The following TP53BP2 variants were observed in gnomAD, a reference collection of about 807,000 sequenced individuals.
TP53BP2 encodes apoptosis-stimulating of p53 protein 2.
A neutral mutation model predicts 126.2 loss-of-function variants in TP53BP2; 62 were observed. The observed-to-expected ratio is 0.49, with a 90% CI of 0.40 to 0.61. The LOEUF (loss-of-function observed/expected upper bound fraction) is 0.61. Ranked by LOEUF, TP53BP2 falls within the 20% of genes least tolerant of loss-of-function variation. The pLI is 0.00. For synonymous variants in TP53BP2, 485 were observed against 502.9 expected (o/e 0.96, Z 0.48); for missense variants, 1,215 against 1,402.8 (o/e 0.87, Z 2.14).
At chr1:223,781,224 C>G (rs1037585939) in intron 17 of TP53BP2, among the ~76,000 whole-genome samples, 1 of 152,192 alleles carries the variant, frequency 6.6e-6, no homozygotes, top group Non-Finnish European at 1.5e-5. Flanking sequence ...TCGGCTCTAA[C>G]AAGGAAGGCA....
intron 4 of TP53BP2, 119 bp from the exon 5 acceptor site, chr1:223,807,066 G>C (rs1021581617): frequency 1.6e-6 from 1 of 629,476 alleles, no homozygotes. Context: ...AAATTATTTA[G>C]CGATTTTTCT....
intron 4 of TP53BP2, among the ~76,000 whole-genome samples, chr1:223,807,905 G>A (rs1662777775): frequency 6.6e-6 from 1 of 152,050 alleles, no homozygotes; most frequent in Non-Finnish European, 1.5e-5. Context: ...ACCCAAACAG[G>A]CATTTTTGTA....
In TP53BP2 at chr1:223,809,864, T is replaced by C. The variant is rs1153972; in HGVS notation, c.372+567A>G. Among the ~76,000 whole-genome samples, 868 of 152,256 alleles carry C rather than the reference T, an allele frequency of 5.7e-3. 11 individuals are homozygous for C. Among genetic ancestry groups the C allele is most frequent in the African/African-American group, 0.02 (830 of 41,532 alleles). On this transcript the variant is annotated intron_variant, in intron 4 of 17. Coordinates refer to ENST00000343537, the MANE Select transcript of TP53BP2 (RefSeq NM_001031685.3). ...TTTTTGAGACAGAGTGTCACTCTTG[T>C]TGCCCAGGCTGGAGTGCCATGGCGC...
chr1:223,784,097 A>C lies in TP53BP2; in HGVS notation c.3363+18T>G. 3 of 1,612,322 alleles carry C rather than the reference A, an allele frequency of 1.9e-6. No homozygotes were observed. Among genetic ancestry groups the C allele is most frequent in the Non-Finnish European group, 2.5e-6 (3 of 1,178,340 alleles). On this transcript the variant is annotated intron_variant, in intron 17 of 17. Coordinates refer to ENST00000343537, the MANE Select transcript of TP53BP2 (RefSeq NM_001031685.3). Reference sequence around the variant, plus strand: ...CTCTGGCACATATGAAAACACCGTAAGCGTCAGAATAACTTACTCCCAGCA... The same window carrying C: ...CTCTGGCACATATGAAAACACCGTACGCGTCAGAATAACTTACTCCCAGCA...
chr1:223,801,741 C>T (rs1401411836), intron 9 of TP53BP2, among the ~76,000 whole-genome samples: 3 of 152,120 alleles, frequency 2.0e-5, no homozygotes, highest in Non-Finnish European at 4.4e-5. Context: ...GATTCAGAAC[C>T]TCACATCCTA....
At chr1:223,821,551 C>G in intron 1 of TP53BP2, 184 bp from the exon 2 acceptor site, 1 of 778,348 alleles carries the variant, frequency 1.3e-6, no homozygotes. Context: ...GAGCCCAGCC[C>G]CTACCATGGG....
At chr1:223,831,937 T>C (rs1039977808) in intron 1 of TP53BP2, among the ~76,000 whole-genome samples, 1 of 152,084 alleles carries the variant, frequency 6.6e-6, no homozygotes, top group South Asian at 2.1e-4. Flanking sequence ...CCTGTGTTTA[T>C]AGAGCATGTA....
At chr1:223,839,745 C>T (rs1473045196) in intron 1 of TP53BP2, among the ~76,000 whole-genome samples, 1 of 152,094 alleles carries the variant, frequency 6.6e-6, no homozygotes, top group African/African-American at 2.4e-5. Context: ...GCCTGGCCAA[C>T]ATGGTGAAAC....
intron 4 of TP53BP2, among the ~76,000 whole-genome samples, chr1:223,809,884 TG>T (rs1391112393): frequency 6.6e-6 from 1 of 152,114 alleles, no homozygotes; most frequent in East Asian, 1.9e-4. Context: ...TGGAGTGCCA[TG>T]GCGCGACCTA....
chr1:223,844,837 T>C (rs1195725741), intron 1 of TP53BP2, among the ~76,000 whole-genome samples: 1 of 152,254 alleles, frequency 6.6e-6, no homozygotes, highest in Non-Finnish European at 1.5e-5. Context: ...ATAGGATGCC[T>C]GCAAGATGTC....
At chr1:223,800,140 A>C in intron 10 of TP53BP2, 93 bp from the exon 11 acceptor site, 1 of 1,333,980 alleles carries the variant, frequency 7.5e-7, no homozygotes, top group Non-Finnish European at 1.0e-6. Context: ...CTCCCTGAAA[A>C]TCTGTGTCCA....
chr1:223,831,652 G>T (rs1030109474), intron 1 of TP53BP2, among the ~76,000 whole-genome samples: 2 of 150,048 alleles, frequency 1.3e-5, no homozygotes, highest in South Asian at 4.2e-4. Flanking sequence ...AATACAAACT[G>T]GGATAAAAGA....
At chr1:223,799,009 T>C (rs1465044528) in intron 11 of TP53BP2, among the ~76,000 whole-genome samples, 1 of 152,128 alleles carries the variant, frequency 6.6e-6, no homozygotes, top group African/African-American at 2.4e-5. Flanking sequence ...GAGGTGGAGG[T>C]TGTAGTGAGC....
intron 1 of TP53BP2, among the ~76,000 whole-genome samples, chr1:223,843,052 G>C (rs1664155195): frequency 6.6e-6 from 1 of 152,134 alleles, no homozygotes; most frequent in South Asian, 2.1e-4. Context: ...CTTATTTTTA[G>C]TTAGCCTTCT....
At chr1:223,843,467 C>A (rs1334878425) in intron 1 of TP53BP2, among the ~76,000 whole-genome samples, 1 of 152,158 alleles carries the variant, frequency 6.6e-6, no homozygotes, top group Non-Finnish European at 1.5e-5. Flanking sequence ...CCGCTCCTGG[C>A]CTATTTGCAC....
intron 15 of TP53BP2, among the ~76,000 whole-genome samples, chr1:223,790,499 G>A (rs1025589412): frequency 6.6e-6 from 1 of 151,986 alleles, no homozygotes; most frequent in African/African-American, 2.4e-5. Flanking sequence ...AGAAGTTACA[G>A]TGAGCCAAGA....
chr1:223,803,472 G>A lies in TP53BP2; in HGVS notation c.650-20C>T, dbSNP rs558039131. On this transcript the variant is annotated intron_variant, in intron 6 of 17. Transcript: ENST00000343537. ...CCTCCACTAGATGAGACAGAGAACAGCAACAACAGTTGAAAAGAAAAATAA... is the reference window on the plus strand; with the variant it reads ...CCTCCACTAGATGAGACAGAGAACAACAACAACAGTTGAAAAGAAAAATAA... 764 of 1,568,252 alleles carry A rather than the reference G, an allele frequency of 4.9e-4. 14 individuals are homozygous for A. In the South Asian group the frequency reaches 8.4e-3, roughly 17 times the overall value.
In TP53BP2 at chr1:223,821,246, T is replaced by C. The variant is rs1663296061; in HGVS notation, c.149A>G (p.His50Arg). The part of the protein sequence containing the change: ...LCKEPGESDC[H>R]LAEVWCGSER... ...AGAGCCACACCACACTTCAGCCAAA[T>C]GGCAATCACTCTCGCCGGGTTCTTT... Residue 50 changes from histidine to arginine, a missense_variant, in exon 2 of 18, where the codon CAT becomes CGT. By Grantham distance (29) the His-to-Arg change is conservative (BLOSUM62 0). Coordinates refer to ENST00000343537, the MANE Select transcript of TP53BP2 (RefSeq NM_001031685.3). The C allele has an allele frequency of 1.2e-6, 2 of 1,613,920 alleles. No homozygotes were observed. Among genetic ancestry groups the C allele is most frequent in the Admixed American group, 1.7e-5 (1 of 60,002 alleles).
At chr1:223,803,801 C>T (rs73127431) in intron 6 of TP53BP2, among the ~76,000 whole-genome samples, 4,706 of 152,158 alleles carry the variant, frequency 0.031, 242 homozygotes, top group African/African-American at 0.11. Flanking sequence ...ATAGATGGAG[C>T]TATTATATGA....
Sources: gnomAD v4.1 joint callset for allele counts (sites outside exome capture counted in the v4.1 genomes callset) on GRCh38, gnomAD v4.1.1 for gene constraint, MANE v1.5 for transcripts, NCBI Gene and HGNC (gene_info 2026-07-23, HGNC 2026-07-21) for gene names.